Variants in CBLB observed in about 807,000 individuals in gnomAD.
CBLB encodes the protein Cbl proto-oncogene B, also known as E3 ubiquitin-protein ligase CBL-B.
Under a neutral mutation model 104.9 loss-of-function variants are expected in CBLB, and 31 were observed. The observed-to-expected ratio is 0.30, with a 90% CI of 0.22 to 0.40. The LOEUF (loss-of-function observed/expected upper bound fraction) is 0.40. CBLB is among the 10% of genes least tolerant of loss of function. CBLB has a pLI of 1.00. For synonymous variants in CBLB, 440 were observed against 422.6 expected, an observed-to-expected ratio of 1.04 and a Z score of -0.51; for missense variants, 1,062 against 1,214.6, an observed-to-expected ratio of 0.87 and a Z score of 1.87.
intron 3 of CBLB, among the ~76,000 whole-genome samples, chr3:105,814,729 C>A (rs1479027728): frequency 2.0e-5 from 3 of 152,060 alleles, no homozygotes; most frequent in South Asian, 2.1e-4. Flanking sequence ...TTACCAATTT[C>A]ATGATGCTCC....
intron 3 of CBLB, among the ~76,000 whole-genome samples, chr3:105,785,514 A>G (rs1577173701): frequency 6.6e-6 from 1 of 152,316 alleles, no homozygotes; most frequent in African/African-American, 2.4e-5. Context: ...CAGAAACTCA[A>G]GTAAATGTAA....
chr3:105,869,172 T>C (rs1043218895), upstream of CBLB: 8 of 578,214 alleles, frequency 1.4e-5, no homozygotes, highest in African/African-American at 1.6e-4. Flanking sequence ...TGCCGCCCCG[T>C]CCACGTCCTC....
intron 3 of CBLB, among the ~76,000 whole-genome samples, chr3:105,794,181 T>C (rs1461762548): frequency 6.6e-6 from 1 of 152,204 alleles, no homozygotes; most frequent in Non-Finnish European, 1.5e-5. Flanking sequence ...AGTAATACAC[T>C]TGTAGTGCTT....
At chr3:105,733,645 T>A (rs1055330480) in intron 9 of CBLB, among the ~76,000 whole-genome samples, 3 of 152,088 alleles carry the variant, frequency 2.0e-5, no homozygotes, top group African/African-American at 7.2e-5. Flanking sequence ...AATATCAAAA[T>A]AAGATTTATC....
chr3:105,859,495 C>T (rs1188628428), intron 2 of CBLB, among the ~76,000 whole-genome samples: 1 of 151,930 alleles, frequency 6.6e-6, no homozygotes, highest in Non-Finnish European at 1.5e-5. Flanking sequence ...ACTAAAAATA[C>T]AAAAACAAAA....
chr3:105,735,102 A>C (rs1166155203), intron 8 of CBLB, among the ~76,000 whole-genome samples: 1 of 152,242 alleles, frequency 6.6e-6, no homozygotes, highest in Non-Finnish European at 1.5e-5. Flanking sequence ...CCTGGCACGG[A>C]GTAGGATAAA....
intron 4 of CBLB, among the ~76,000 whole-genome samples, chr3:105,772,820 C>T (rs971127969): frequency 6.6e-6 from 1 of 152,118 alleles, no homozygotes; most frequent in African/African-American, 2.4e-5. Flanking sequence ...AGTGAGAAAC[C>T]ACCTTACTTC....
intron 3 of CBLB, among the ~76,000 whole-genome samples, chr3:105,851,691 T>C (rs2090973168): frequency 6.6e-6 from 1 of 152,242 alleles, no homozygotes; most frequent in Non-Finnish European, 1.5e-5. Flanking sequence ...AAATGAAGTC[T>C]ATTAAAACAT....
At chr3:105,708,947 G>T (rs962671986) in intron 10 of CBLB, among the ~76,000 whole-genome samples, 2 of 151,616 alleles carry the variant, frequency 1.3e-5, no homozygotes, top group African/African-American at 4.8e-5. Context: ...TCTAGTCAAA[G>T]CTTGCCCATC....
chr3:105,754,304 A>G lies in CBLB; in HGVS notation c.567-2686T>C, dbSNP rs1326593604. Reference sequence around the variant, plus strand: ...TGGCTACCATTCTTCTCTGAGGTATATGAGAGGAAGTGAACCCAGAAAGCA... The same window carrying G: ...TGGCTACCATTCTTCTCTGAGGTATGTGAGAGGAAGTGAACCCAGAAAGCA... On this transcript the variant is annotated intron_variant, in intron 4 of 18. Transcript: ENST00000394030. 5.9e-5 allele frequency among the ~76,000 whole-genome samples: 9 copies of G among 152,154 alleles called. No homozygotes were observed. In the East Asian group the frequency reaches 1.7e-3, roughly 29 times the overall value.
chr3:105,798,406 A>G (rs1368865788), intron 3 of CBLB, among the ~76,000 whole-genome samples: 1 of 152,220 alleles, frequency 6.6e-6, no homozygotes, highest in African/African-American at 2.4e-5. Flanking sequence ...AGGTCCAGCA[A>G]TAACTTATTT....
At chr3:105,820,614 G>A (rs1479104941) in intron 3 of CBLB, among the ~76,000 whole-genome samples, 2 of 152,040 alleles carry the variant, frequency 1.3e-5, no homozygotes, top group African/African-American at 4.8e-5. Flanking sequence ...CTTAGAAAGA[G>A]TATCATTTGT....
chr3:105,800,754 A>C (rs2082761910), intron 3 of CBLB, among the ~76,000 whole-genome samples: 1 of 152,210 alleles, frequency 6.6e-6, no homozygotes, highest in African/African-American at 2.4e-5. Flanking sequence ...AATGTCTCTA[A>C]TATGATCTGA....
intron 4 of CBLB, among the ~76,000 whole-genome samples, chr3:105,773,733 A>G (rs1451871211): frequency 1.3e-5 from 2 of 152,232 alleles, no homozygotes; most frequent in Admixed American, 6.5e-5. Flanking sequence ...AGACACATTT[A>G]TTCAATAATG....
intron 3 of CBLB, among the ~76,000 whole-genome samples, chr3:105,811,377 G>A (rs1042317273): frequency 6.6e-6 from 1 of 152,192 alleles, no homozygotes; most frequent in Non-Finnish European, 1.5e-5. Flanking sequence ...GCAATATAGA[G>A]TTTAAAAACC....
At chr3:105,785,887 C>A (rs1054327181) in intron 3 of CBLB, among the ~76,000 whole-genome samples, 4 of 152,002 alleles carry the variant, frequency 2.6e-5, no homozygotes, top group Admixed American at 2.6e-4. Flanking sequence ...GATATAGATA[C>A]CTCATAGAAA....
intron 12 of CBLB, among the ~76,000 whole-genome samples, chr3:105,698,880 G>A (rs2068735423): frequency 6.6e-6 from 1 of 151,852 alleles, no homozygotes; most frequent in African/African-American, 2.4e-5. Flanking sequence ...TGTTTAAAAT[G>A]ACTACTCTTC....
intron 10 of CBLB, among the ~76,000 whole-genome samples, chr3:105,716,366 ATATT>A (rs1410499232): frequency 6.6e-6 from 1 of 152,174 alleles, no homozygotes; most frequent in Non-Finnish European, 1.5e-5. Context: ...CACTTAGTAA[ATATT>A]TATTGAGTGC....
At chr3:105,795,959 T>C (rs1053936936) in intron 3 of CBLB, among the ~76,000 whole-genome samples, 34 of 152,044 alleles carry the variant, frequency 2.2e-4, no homozygotes, top group Non-Finnish European at 4.4e-4. Flanking sequence ...CCTGACCTTG[T>C]GATCCACCCA....
Sources: allele counts gnomAD v4.1 joint callset (sites outside exome capture counted in the v4.1 genomes callset), GRCh38; gene constraint gnomAD v4.1.1; transcripts MANE v1.5; gene names NCBI Gene and HGNC (gene_info 2026-07-23, HGNC 2026-07-21).